The following EFCAB12 variants were observed in gnomAD, a reference collection of about 807,000 sequenced individuals.
EFCAB12 encodes the protein EF-hand calcium binding domain 12.
A neutral mutation model predicts 53.6 loss-of-function variants in EFCAB12; 43 were observed. The ratio of observed to expected loss-of-function variants is 0.80; its 90% CI spans 0.63 to 1.03. The LOEUF (loss-of-function observed/expected upper bound fraction) is 1.03. Among genes scored for constraint, EFCAB12 ranks in the 50% least tolerant of loss-of-function variants. The probability of loss-of-function intolerance (pLI) is 0.00; values close to 1 mark genes in which losing one functional copy is unlikely to be tolerated. For synonymous variants in EFCAB12, 269 were observed against 289.2 expected (o/e 0.93, Z 0.71); for missense variants, 646 against 730.6 (o/e 0.88, Z 1.34).
At chr3:129,423,777 C>G (rs1349998608) in intron 1 of EFCAB12, among the ~76,000 whole-genome samples, 1 of 152,176 alleles carries the variant, frequency 6.6e-6, no homozygotes, top group African/African-American at 2.4e-5. Flanking sequence ...TAACCTGGCC[C>G]CACCTGGTCC....
At position 129,418,273 on chromosome 3, in the gene EFCAB12, A is replaced by C; in HGVS notation, c.662T>G (p.Phe221Cys). The change falls in exon 3 of 9, where the codon TTC becomes TGC. Residue 221 changes from phenylalanine (F) to cysteine (C), a missense_variant. Phe to Cys is a radical substitution (Grantham distance 205). Transcript: ENST00000505956. ...GENQRITREE[F>C]IAAVKAVGVP... ...ACTTACTGCCTTTACAGCCGCGATG[A>C]ACTCCTCCCTGGTGATTCTCTGGTT... is the stretch of plus-strand genomic sequence containing the variant. 6.2e-7 allele frequency: 1 copy of C among 1,611,762 alleles called. No individual in the cohort carries two copies. The highest frequency in any genetic ancestry group is 8.5e-7 in the Non-Finnish European group (1 of 1,178,528).
At chr3:129,418,046 G>C (rs2072140296) in intron 3 of EFCAB12, among the ~76,000 whole-genome samples, 1 of 152,130 alleles carries the variant, frequency 6.6e-6, no homozygotes, top group Non-Finnish European at 1.5e-5. Context: ...ACTGGTGCGG[G>C]GCAGATATTG....
chr3:129,418,576 G>T, intron 2 of EFCAB12, 128 bp from the exon 3 acceptor site: 1 of 796,030 alleles, frequency 1.3e-6, no homozygotes, highest in East Asian at 3.0e-5. Context: ...AGTACAAAGG[G>T]CACTGGGTTC....
At chr3:129,425,246 AG>A (rs563214320) in intron 1 of EFCAB12, among the ~76,000 whole-genome samples, 1 of 152,042 alleles carries the variant, frequency 6.6e-6, no homozygotes, top group Non-Finnish European at 1.5e-5. Context: ...CAGCCAGGAG[AG>A]CCTTACAAAT....
intron 3 of EFCAB12, among the ~76,000 whole-genome samples, chr3:129,417,235 A>C (rs2072125977): frequency 6.6e-6 from 1 of 151,122 alleles, no homozygotes; most frequent in Non-Finnish European, 1.5e-5. Context: ...TGAGGCAGGA[A>C]AATTGCTTGA....
chr3:129,416,390 C>A (rs1235242988), intron 3 of EFCAB12, among the ~76,000 whole-genome samples: 1 of 151,842 alleles, frequency 6.6e-6, no homozygotes, highest in African/African-American at 2.4e-5. Context: ...GCACTGCAGC[C>A]TGGGTGACAA....
intron 1 of EFCAB12, among the ~76,000 whole-genome samples, chr3:129,425,531 C>CA (rs1379722695): frequency 6.6e-6 from 1 of 152,134 alleles, no homozygotes; most frequent in Non-Finnish European, 1.5e-5. Context: ...CTGCATTCCC[C>CA]AGGGCTTCCC....
chr3:129,426,525 C>T (rs1022576183), intron 1 of EFCAB12, among the ~76,000 whole-genome samples: 4 of 151,324 alleles, frequency 2.6e-5, no homozygotes, highest in South Asian at 2.1e-4. Context: ...CCACCACGAC[C>T]GGCTAATTTT....
Position 129,405,849 on chromosome 3 carries a change from G to A in EFCAB12, c.1250-1446C>T, listed in dbSNP as rs72984752. On this transcript the variant is annotated intron_variant, in intron 6 of 8. Transcript: ENST00000505956. ...TTGGGCCTAGTCCCACCCACAGGAT[G>A]CTCCTGTGTGCCCATGAACGTGAGA... Among the ~76,000 whole-genome samples, 975 of 152,288 alleles carry A rather than the reference G, an allele frequency of 6.4e-3. 9 individuals are homozygous for A. Among genetic ancestry groups the A allele is most frequent in the African/African-American group, 0.021 (892 of 41,552 alleles).
intron 1 of EFCAB12, 53 bp from the exon 2 acceptor site, chr3:129,421,856 G>A: frequency 6.6e-7 from 1 of 1,509,504 alleles, no homozygotes. Flanking sequence ...GGACTGAAAG[G>A]AGCCAGGAAG....
chr3:129,414,182 G>C (rs1306846156), intron 4 of EFCAB12: 1 of 152,220 alleles, frequency 6.6e-6, no homozygotes, highest in Non-Finnish European at 1.5e-5. Flanking sequence ...CTGCTTGGGA[G>C]GTGATAGTTT....
chr3:129,410,936 C>G (rs987988444), intron 5 of EFCAB12, among the ~76,000 whole-genome samples: 1 of 152,096 alleles, frequency 6.6e-6, no homozygotes, highest in Non-Finnish European at 1.5e-5. Context: ...GAGAGGGGGA[C>G]GTGATAGTTT....
intron 1 of EFCAB12, among the ~76,000 whole-genome samples, chr3:129,425,082 AG>A (rs2072254877): frequency 6.6e-6 from 1 of 151,992 alleles, no homozygotes; most frequent in South Asian, 2.1e-4. Context: ...GTAAAGGAGG[AG>A]GTTAGTGGGA....
At chr3:129,420,040 C>T (rs988552070) in intron 2 of EFCAB12, among the ~76,000 whole-genome samples, 3 of 152,214 alleles carry the variant, frequency 2.0e-5, no homozygotes, top group African/African-American at 7.2e-5. Flanking sequence ...GTAAGCAGTA[C>T]AGCTGCATTT....
intron 2 of EFCAB12, among the ~76,000 whole-genome samples, chr3:129,420,797 G>A (rs1444655002): frequency 6.6e-6 from 1 of 152,238 alleles, no homozygotes; most frequent in Non-Finnish European, 1.5e-5. Flanking sequence ...TTCTGACAAA[G>A]AGAATGTGGT....
Position 129,415,301 on chromosome 3 carries a change from G to A in EFCAB12, c.782C>T (p.Thr261Ile), listed in dbSNP as rs755278433. 8.3e-5 allele frequency: 134 copies of A among 1,613,146 alleles called. No individual in the cohort carries two copies. The highest frequency in any genetic ancestry group is 1.1e-4 in the Non-Finnish European group (132 of 1,179,832). ...NTITMDILAN[T>I]YKQWSMAQQR... is the part of the protein sequence containing the mutation. ...CTGAGCCATAGACCACTGCTTGTAGGTATTGGCCAGGATATCCATGGTGAT... is the reference window on the plus strand; with the variant it reads ...CTGAGCCATAGACCACTGCTTGTAGATATTGGCCAGGATATCCATGGTGAT... Residue 261 changes from threonine to isoleucine, a missense_variant, in exon 4 of 9, where the codon ACC becomes ATC. Physicochemically the swap from Thr to Ile is moderately conservative, Grantham distance 89. Coordinates refer to ENST00000505956, the MANE Select transcript of EFCAB12 (RefSeq NM_207307.3).
At chr3:129,406,852 G>A (rs893048939) in intron 6 of EFCAB12, among the ~76,000 whole-genome samples, 1 of 141,992 alleles carries the variant, frequency 7.0e-6, no homozygotes, top group Non-Finnish European at 1.5e-5. Context: ...GACTTCATTT[G>A]GAGATTTTGG....
chr3:129,423,636 A>C (rs1366513942), intron 1 of EFCAB12, among the ~76,000 whole-genome samples: 2 of 152,128 alleles, frequency 1.3e-5, no homozygotes, highest in African/African-American at 4.8e-5. Flanking sequence ...AAAAAATTTA[A>C]AAAAATCAGA....
chr3:129,411,530 C>T (rs2107737983), intron 4 of EFCAB12, 176 bp from the exon 5 acceptor site: 1 of 557,000 alleles, frequency 1.8e-6, no homozygotes, highest in African/African-American at 2.0e-5. Context: ...AGATGTGGCC[C>T]TCCTCTCCAT....
Sources: gnomAD v4.1 joint callset for allele counts (sites outside exome capture counted in the v4.1 genomes callset) on GRCh38, gnomAD v4.1.1 for gene constraint, MANE v1.5 for transcripts, NCBI Gene and HGNC (gene_info 2026-07-23, HGNC 2026-07-21) for gene names.